The following LRRC7 variants were observed in gnomAD, a reference collection of about 807,000 sequenced individuals.
LRRC7 encodes leucine rich repeat containing 7, also known as leucine-rich repeat-containing protein 7.
In LRRC7, 23 loss-of-function variants were observed where a neutral mutation model predicts 175.7. That is an observed-to-expected ratio of 0.13 (90% CI 0.09 to 0.19). LRRC7 has a LOEUF of 0.19. Among genes scored for constraint, LRRC7 ranks in the 10% least tolerant of loss-of-function variants. The pLI is 1.00. For missense variants in LRRC7, 1,354 were observed against 1,904.7 expected (o/e 0.71, Z 5.38); for synonymous variants, 685 against 680.9 (o/e 1.01, Z -0.09).
At chr1:69,679,053 C>T (rs914732179) in intron 2 of LRRC7, among the ~76,000 whole-genome samples, 39 of 152,038 alleles carry the variant, frequency 2.6e-4, no homozygotes, top group African/African-American at 8.9e-4. Context: ...AGTTCATCCT[C>T]AAATTATTAA....
chr1:69,965,693 T>C (rs951268124), intron 8 of LRRC7, among the ~76,000 whole-genome samples: 2 of 152,148 alleles, frequency 1.3e-5, no homozygotes, highest in Non-Finnish European at 2.9e-5. Context: ...GAAATTAATG[T>C]AAACTGAAAG....
Position 69,957,227 on chromosome 1 carries a change from T to C in LRRC7, c.712-23152T>C, listed in dbSNP as rs112884236. ...ACAGGATAACTTTGGAACTGATACA[T>C]GAATGAATTTTTATTATGACTTGGT... On this transcript the variant is annotated intron_variant, in intron 8 of 26. Coordinates refer to ENST00000651989, the MANE Select transcript of LRRC7 (RefSeq NM_001370785.2). Among the ~76,000 whole-genome samples the C allele has an allele frequency of 1.3e-4, 20 of 151,996 alleles. 1 individual carries two copies. The highest frequency in any genetic ancestry group is 4.6e-4 in the African/African-American group (19 of 41,536).
intron 7 of LRRC7, among the ~76,000 whole-genome samples, chr1:69,854,496 C>T (rs1044515503): frequency 1.2e-4 from 19 of 152,076 alleles, no homozygotes; most frequent in African/African-American, 4.3e-4. Flanking sequence ...GAGCAAGACC[C>T]TGTCTCTAAA....
intron 2 of LRRC7, among the ~76,000 whole-genome samples, chr1:69,737,911 G>A (rs1668294688): frequency 1.3e-5 from 2 of 152,008 alleles, no homozygotes; most frequent in African/African-American, 4.8e-5. Context: ...TTACTCTTTT[G>A]CTTTGTAAGA....
At chr1:69,692,346 C>A (rs537366280) in intron 2 of LRRC7, among the ~76,000 whole-genome samples, 5 of 152,130 alleles carry the variant, frequency 3.3e-5, no homozygotes, top group Non-Finnish European at 7.4e-5. Context: ...TTGGGGAAAT[C>A]CCTCTACACA....
chr1:69,669,162 C>T (rs899271610), intron 1 of LRRC7, among the ~76,000 whole-genome samples: 1 of 151,992 alleles, frequency 6.6e-6, no homozygotes, highest in Non-Finnish European at 1.5e-5. Flanking sequence ...CTTACTATTA[C>T]CAGTGAGTTT....
intron 9 of LRRC7, among the ~76,000 whole-genome samples, chr1:69,982,826 G>T (rs1053243269): frequency 2.0e-5 from 3 of 152,132 alleles, no homozygotes; most frequent in Admixed American, 6.5e-5. Context: ...GAGAATGTGG[G>T]ATCAACATTC....
At position 69,568,358 on chromosome 1, in the gene LRRC7, T is replaced by C; in HGVS notation, c.-282T>C. 4.8e-6 allele frequency: 1 copy of C among 210,500 alleles called. No homozygotes were observed. The highest frequency in any genetic ancestry group is 9.6e-6 in the Non-Finnish European group (1 of 103,904). The allele number at this position is 210,500 out of a possible 1,614,324, so 13.0% of individuals were successfully genotyped here. A position where few individuals can be genotyped will look rare whatever the true frequency, so the allele number is the denominator to read the frequency against. On this transcript the variant is annotated 5_prime_UTR_variant, in exon 1 of 27. Transcript: ENST00000651989. The stretch of plus-strand genomic sequence containing the variant: ...GGCTGAGGCTGGGGAGTGGACGCGC[T>C]CCTGCCTCCCCCGCCGGCGCTTCGG...
In LRRC7 at chr1:70,004,070, A is replaced by T. The variant is rs969711047; in HGVS notation, c.1005-7727A>T. On this transcript the variant is annotated intron_variant, in intron 11 of 26. Coordinates refer to ENST00000651989, the MANE Select transcript of LRRC7 (RefSeq NM_001370785.2). ...TTCTAGTTGTTTTAGATAGATGGGA[A>T]AATTGGGTTCAAATGAAAAGTTTAT... Among the ~76,000 whole-genome samples, 17 of 152,290 alleles carry T rather than the reference A, an allele frequency of 1.1e-4. No individual in the cohort carries two copies. In the East Asian group the frequency reaches 3.3e-3, roughly 29 times the overall value.
intron 1 of LRRC7, among the ~76,000 whole-genome samples, chr1:69,670,261 G>T (rs1658885136): frequency 6.6e-6 from 1 of 152,156 alleles, no homozygotes; most frequent in Non-Finnish European, 1.5e-5. Context: ...CATGGGTGTT[G>T]TAATTTAAGC....
intron 8 of LRRC7, among the ~76,000 whole-genome samples, chr1:69,968,891 T>C (rs1341814314): frequency 6.6e-6 from 1 of 151,900 alleles, no homozygotes; most frequent in Non-Finnish European, 1.5e-5. Flanking sequence ...CAATCTCAGC[T>C]CACTGCAAGC....
chr1:70,031,722 T>C (rs1658741471), intron 18 of LRRC7, among the ~76,000 whole-genome samples: 1 of 152,198 alleles, frequency 6.6e-6, no homozygotes, highest in Non-Finnish European at 1.5e-5. Flanking sequence ...CTGTTTATCA[T>C]TGATTTTCAA....
intron 8 of LRRC7, among the ~76,000 whole-genome samples, chr1:69,952,786 C>G (rs1212187875): frequency 6.6e-6 from 1 of 151,812 alleles, no homozygotes; most frequent in Non-Finnish European, 1.5e-5. Flanking sequence ...TTAGTGCCAA[C>G]AAAATAGAGA....
chr1:69,627,599 T>C (rs186003648), intron 1 of LRRC7, among the ~76,000 whole-genome samples: 18 of 152,286 alleles, frequency 1.2e-4, no homozygotes, highest in Non-Finnish European at 1.5e-5. Context: ...TTTGTTAATT[T>C]TGACTTTTTT....
At chr1:69,978,235 A>C (rs747492208) in intron 8 of LRRC7, among the ~76,000 whole-genome samples, 1 of 149,448 alleles carries the variant, frequency 6.7e-6, no homozygotes, top group Non-Finnish European at 1.5e-5. Flanking sequence ...GTGAGCTGAG[A>C]TCGCACCACT....
chr1:69,822,344 C>A (rs768849780), intron 4 of LRRC7, among the ~76,000 whole-genome samples: 22 of 152,180 alleles, frequency 1.4e-4, no homozygotes, highest in Non-Finnish European at 2.8e-4. Flanking sequence ...GAGCTAGCTA[C>A]AGTTATAGAA....
At chr1:69,702,136 G>A (rs1663429290) in intron 2 of LRRC7, among the ~76,000 whole-genome samples, 1 of 152,164 alleles carries the variant, frequency 6.6e-6, no homozygotes. Context: ...AAATATATGT[G>A]ACATTTGTGC....
rs2101698899 is a variant in LRRC7, at chr1:69,910,227, G to A, written c.648-21280G>A. ...CGTCCAGCTTTGTTCCGTTGCTGGT[G>A]AGGAAGTGCGTTCCTTTGGAGGAGG... is the stretch of plus-strand genomic sequence containing the variant. On this transcript the variant is annotated intron_variant, in intron 7 of 26. Coordinates refer to ENST00000651989, the MANE Select transcript of LRRC7 (RefSeq NM_001370785.2). Among the ~76,000 whole-genome samples the A allele has an allele frequency of 1.3e-5, 2 of 152,326 alleles. 1 individual carries two copies. The highest frequency in any genetic ancestry group is 3.9e-4 in the East Asian group (2 of 5,172).
chr1:69,756,984 A>G (rs1670502369), intron 2 of LRRC7, among the ~76,000 whole-genome samples: 1 of 151,732 alleles, frequency 6.6e-6, no homozygotes, highest in African/African-American at 2.4e-5. Context: ...AGGGGGAAAA[A>G]CCCCTACAAA....
Sources: gnomAD v4.1 joint callset for allele counts (sites outside exome capture counted in the v4.1 genomes callset) on GRCh38, gnomAD v4.1.1 for gene constraint, MANE v1.5 for transcripts, NCBI Gene and HGNC (gene_info 2026-07-23, HGNC 2026-07-21) for gene names.